The following ITGB2 variants were observed in gnomAD, a reference collection of about 807,000 sequenced individuals.
The protein encoded by ITGB2 is integrin beta-2.
Under a neutral mutation model 86.8 loss-of-function variants are expected in ITGB2, and 56 were observed. That is an observed-to-expected ratio of 0.65 (90% confidence interval 0.52 to 0.81). ITGB2 has a LOEUF of 0.81. Among genes scored for constraint, ITGB2 ranks in the 30% least tolerant of loss-of-function variants. The probability of loss-of-function intolerance (pLI) is 0.00; values close to 1 mark genes in which losing one functional copy is unlikely to be tolerated. For missense variants in ITGB2, 948 were observed against 1,061.2 expected (o/e 0.89, Z 1.48); for synonymous variants, 457 against 450.4 (o/e 1.01, Z -0.19).
Position 44,907,137 on chromosome 21 carries a change from G to A in ITGB2, c.148-42C>T, listed in dbSNP as rs376480657. 1.7e-4 allele frequency: 254 copies of A among 1,459,408 alleles called. 1 individual carries two copies. Among genetic ancestry groups the A allele is most frequent in the Non-Finnish European group, 1.9e-4 (207 of 1,063,250 alleles). The allele number at this position is 1,459,408 out of a possible 1,614,324, so 90.4% of individuals were successfully genotyped here. A position where few individuals can be genotyped will look rare whatever the true frequency, so the allele number is the denominator to read the frequency against. On this transcript the variant is annotated intron_variant, in intron 3 of 15. Transcript: ENST00000652462. Reference sequence around the variant, plus strand: ...AGGGGTCAGGAGGGGGCCACACTGCGGGACCTGCAGGAGGCTGACTGGCCA... The same window carrying A: ...AGGGGTCAGGAGGGGGCCACACTGCAGGACCTGCAGGAGGCTGACTGGCCA...
At chr21:44,901,895 G>T in intron 5 of ITGB2, 162 bp from the exon 6 acceptor site, 1 of 767,962 alleles carries the variant, frequency 1.3e-6, no homozygotes, top group Non-Finnish European at 2.0e-6. Flanking sequence ...TGTGCGTTGT[G>T]CAAGCACACA....
At chr21:44,915,168 C>G (rs1370207812) in intron 1 of ITGB2, among the ~76,000 whole-genome samples, 8 of 152,104 alleles carry the variant, frequency 5.3e-5, no homozygotes, top group Non-Finnish European at 1.0e-4. Context: ...GGACTACAGG[C>G]TCCCACGACC....
intron 8 of ITGB2, among the ~76,000 whole-genome samples, chr21:44,897,484 C>T (rs1019361888): frequency 1.3e-5 from 2 of 152,158 alleles, no homozygotes; most frequent in African/African-American, 2.4e-5. Context: ...GGTCACTGTC[C>T]GGATGAGGAT....
intron 3 of ITGB2, among the ~76,000 whole-genome samples, chr21:44,908,983 G>A (rs373047082): frequency 6.6e-6 from 1 of 152,244 alleles, no homozygotes. Flanking sequence ...TGTGGGTCAC[G>A]CTGATGAGAG....
In ITGB2 at chr21:44,889,895, CGTT is replaced by C. The variant is rs2083760626; in HGVS notation, c.1657+80_1657+82del. ...CAGGATCCCCCCTTTCTGTTCCACT[CGTT>C]GAATGGTCCAGAACGCACCCCCCAA... is the stretch of plus-strand genomic sequence containing the variant. On this transcript the variant is annotated intron_variant, in intron 12 of 15. Coordinates refer to ENST00000652462, the MANE Select transcript of ITGB2 (RefSeq NM_000211.5). The C allele has an allele frequency of 8.9e-6, 14 of 1,568,684 alleles. No homozygotes were observed. In the South Asian group the frequency reaches 1.6e-4, roughly 17 times the overall value.
chr21:44,913,650 A>G (rs965898463), intron 1 of ITGB2, among the ~76,000 whole-genome samples: 1 of 152,144 alleles, frequency 6.6e-6, no homozygotes, highest in African/African-American at 2.4e-5. Context: ...GGTCCGCTCC[A>G]GGAGGTAAGG....
rs781538140 is a variant in ITGB2, at chr21:44,907,136, CG to C, written c.148-42del. On this transcript the variant is annotated intron_variant, in intron 3 of 15. Transcript: ENST00000652462. ...CAGGGGTCAGGAGGGGGCCACACTG[CG>C]GGACCTGCAGGAGGCTGACTGGCCA... The C allele has an allele frequency of 2.0e-6, 3 of 1,481,198 alleles. No homozygotes were observed. The African/African-American group carries it at 4.1e-5, about 20-fold the overall frequency. 91.8% of individuals were successfully genotyped at this position (1,481,198 alleles called of 1,614,324 possible).
Position 44,890,167 on chromosome 21 carries a change from T to G in ITGB2, c.1468A>C (p.Ser490Arg), listed in dbSNP as rs971917931. Residue 490 changes from serine (S) to arginine (R), a missense_variant, in exon 12 of 16, where the codon AGC (serine) becomes CGC (arginine). Transcript: ENST00000652462. ...NCECQTQGRS[S>R]QELEGSCRKD... ...CGGCAGCTTCCTTCCAGCTCCTGGC[T>G]GCTCCGGCCCTGTGTCTGGCACTCA... 6.2e-7 allele frequency: 1 copy of G among 1,613,316 alleles called. No homozygotes were observed. The highest frequency in any genetic ancestry group is 1.7e-5 in the Admixed American group (1 of 60,014).
chr21:44,899,513 G>A (rs2083916974), intron 7 of ITGB2, among the ~76,000 whole-genome samples: 1 of 152,056 alleles, frequency 6.6e-6, no homozygotes, highest in Middle Eastern at 3.2e-3. Context: ...TGAGTGTCAG[G>A]TGCGGCTCTC....
chr21:44,897,759 T>C (rs1470699815), intron 8 of ITGB2, among the ~76,000 whole-genome samples: 10 of 152,216 alleles, frequency 6.6e-5, no homozygotes, highest in African/African-American at 2.4e-4. Context: ...AGCTCCACCC[T>C]GAAGAACGGG....
chr21:44,923,142 C>T (rs1308498971), upstream of ITGB2, among the ~76,000 whole-genome samples: 2 of 152,090 alleles, frequency 1.3e-5, no homozygotes, highest in Non-Finnish European at 2.9e-5. Context: ...TTTAGATCTA[C>T]AAAGAAGCAT....
rs201725341 is a variant in ITGB2 at position 44,888,668 on chromosome 21, C to T, written c.2080+25G>A. 1.6e-3 allele frequency: 2,560 copies of T among 1,601,480 alleles called. 1 individual carries two copies. The highest frequency in any genetic ancestry group is 1.9e-3 in the Non-Finnish European group (2,230 of 1,178,068). On this transcript the variant is annotated intron_variant, in intron 14 of 15. Coordinates refer to ENST00000652462, the MANE Select transcript of ITGB2 (RefSeq NM_000211.5). Reference sequence around the variant, plus strand: ...CCGCAGCCGGAGCTCTGGAGCCGGTCCCCGCTGCACCCCAGCGGCCTCACC... The same window carrying T: ...CCGCAGCCGGAGCTCTGGAGCCGGTTCCCGCTGCACCCCAGCGGCCTCACC...
upstream of ITGB2, among the ~76,000 whole-genome samples, chr21:44,924,763 T>G (rs951689592): frequency 6.6e-6 from 1 of 152,150 alleles, no homozygotes; most frequent in Non-Finnish European, 1.5e-5. Flanking sequence ...ACACTCACGC[T>G]ACGGGGTAAT....
Position 44,891,937 on chromosome 21 carries a change from G to C in ITGB2, c.1284C>G (p.Ile428Met). The C allele has an allele frequency of 6.2e-7, 1 of 1,613,434 alleles. No homozygotes were observed. The highest frequency in any genetic ancestry group is 8.5e-7 in the Non-Finnish European group (1 of 1,180,004). The stretch of plus-strand genomic sequence containing the variant: ...CTATGTCCGTGAAGCCCAGCGCCCG[G>C]ATGACAAACGACTGCTCCTGGATGC... ...TECIQEQSFV[I>M]RALGFTDIVT... is the part of the protein sequence containing the mutation. Residue 428 changes from isoleucine (I) to methionine (M), a missense_variant, in exon 11 of 16, where the codon ATC (isoleucine) becomes ATG (methionine). Coordinates refer to ENST00000652462, the MANE Select transcript of ITGB2 (RefSeq NM_000211.5).
intron 8 of ITGB2, 39 bp downstream of exon 8, chr21:44,899,028 C>A: frequency 6.7e-7 from 1 of 1,502,138 alleles, no homozygotes; most frequent in Non-Finnish European, 9.3e-7. Context: ...CTGAAACATG[C>A]CCCCACCCAA....
At chr21:44,902,447 G>A (rs1182913773) in intron 5 of ITGB2, among the ~76,000 whole-genome samples, 1 of 151,910 alleles carries the variant, frequency 6.6e-6, no homozygotes, top group Non-Finnish European at 1.5e-5. Context: ...ATTTGCGTGT[G>A]AGCATACATT....
rs1272128497 is a variant in ITGB2, at chr21:44,899,198, T to G, written c.898-36A>C. ...GAGGTCCTGCTCAGTTGGCCCCGAG[T>G]CCAGGACAAGGCTTCCAGGTACCCG... On this transcript the variant is annotated intron_variant, in intron 7 of 15. Transcript: ENST00000652462. 3.9e-6 allele frequency: 6 copies of G among 1,522,256 alleles called. No homozygotes were observed. The South Asian group carries it at 6.8e-5, about 17-fold the overall frequency. The allele number at this position is 1,522,256 out of a possible 1,614,324, so 94.3% of individuals were successfully genotyped here. A position where few individuals can be genotyped will look rare whatever the true frequency, so the allele number is the denominator to read the frequency against.
chr21:44,921,775 G>A (rs2146570633), upstream of ITGB2, among the ~76,000 whole-genome samples: 1 of 152,260 alleles, frequency 6.6e-6, no homozygotes, highest in South Asian at 2.1e-4. Context: ...AGGCTGGAGT[G>A]CAGTGGCGTG....
Position 44,901,706 on chromosome 21 carries a change from A to G in ITGB2, c.527T>C (p.Val176Ala). The change falls in exon 6 of 16, where the codon GTG becomes GCG. Residue 176 changes from valine to alanine, a missense_variant. Coordinates refer to ENST00000652462, the MANE Select transcript of ITGB2 (RefSeq NM_000211.5). ...AGGGTGCGTGTTCACGAACGGCAGC[A>G]CGGTCTTGTCCACGAAGGACCCGAA... ...IGFGSFVDKT[V>A]LPFVNTHPDK... is the part of the protein sequence containing the mutation. 6.2e-7 allele frequency: 1 copy of G among 1,612,872 alleles called. No individual in the cohort carries two copies. Among genetic ancestry groups the G allele is most frequent in the South Asian group, 1.1e-5 (1 of 91,088 alleles).
Sources: allele counts gnomAD v4.1 joint callset (sites outside exome capture counted in the v4.1 genomes callset), GRCh38; gene constraint gnomAD v4.1.1; transcripts MANE v1.5; gene names NCBI Gene and HGNC (gene_info 2026-07-23, HGNC 2026-07-21).